The following LRMDA variants were observed in gnomAD, a reference collection of about 807,000 sequenced individuals.
The protein encoded by LRMDA is leucine rich melanocyte differentiation associated.
A neutral mutation model predicts 29.8 loss-of-function variants in LRMDA; 18 were observed. The ratio of observed to expected loss-of-function variants is 0.60; its 90% CI spans 0.42 to 0.90. The LOEUF (loss-of-function observed/expected upper bound fraction) is 0.90, where lower values mean the gene tolerates loss of function less well. LRMDA is among the 40% of genes least tolerant of loss of function. The pLI is 0.00. For synonymous variants in LRMDA, 125 were observed against 109.4 expected (o/e 1.14, Z -0.89); for missense variants, 273 against 273.9 (o/e 1.00, Z 0.02).
chr10:76,464,507 T>C (rs1842544924), intron 6 of LRMDA, among the ~76,000 whole-genome samples: 1 of 152,194 alleles, frequency 6.6e-6, no homozygotes, highest in Non-Finnish European at 1.5e-5. Flanking sequence ...AGTACAGATG[T>C]ACACACTGGA....
intron 5 of LRMDA, among the ~76,000 whole-genome samples, chr10:76,080,634 G>T (rs933874780): frequency 6.6e-6 from 1 of 152,218 alleles, no homozygotes; most frequent in Non-Finnish European, 1.5e-5. Flanking sequence ...TATCAGCTTT[G>T]TCTCAGGAGC....
chr10:75,709,769 A>G (rs562472430), intron 2 of LRMDA, among the ~76,000 whole-genome samples: 71 of 152,226 alleles, frequency 4.7e-4, no homozygotes, highest in African/African-American at 1.5e-3. Flanking sequence ...GGCTCAAGGT[A>G]AGAGATGCTC....
At chr10:76,370,782 A>G (rs1239789297) in intron 6 of LRMDA, among the ~76,000 whole-genome samples, 1 of 152,182 alleles carries the variant, frequency 6.6e-6, no homozygotes, top group Non-Finnish European at 1.5e-5. Flanking sequence ...AGTGGAGAGC[A>G]CACCAAATGT....
chr10:75,922,143 C>T (rs564189691), intron 2 of LRMDA, among the ~76,000 whole-genome samples: 10 of 152,340 alleles, frequency 6.6e-5, no homozygotes, highest in African/African-American at 1.4e-4. Flanking sequence ...AAAGTCATGG[C>T]GTCTGTTTCA....
intron 2 of LRMDA, among the ~76,000 whole-genome samples, chr10:75,905,023 T>C (rs1001382546): frequency 2.0e-5 from 3 of 152,202 alleles, no homozygotes; most frequent in Non-Finnish European, 4.4e-5. Flanking sequence ...GTGCACACTC[T>C]ATCTGCAGCG....
intron 6 of LRMDA, among the ~76,000 whole-genome samples, chr10:76,335,483 A>AAGTTTATTTTGC (rs1212045812): frequency 6.6e-6 from 1 of 152,170 alleles, no homozygotes; most frequent in East Asian, 1.9e-4. Flanking sequence ...TAAATTTAGA[A>AAGTTTATTTTGC]AGTTTATTTT....
rs60697116 is a variant in LRMDA at position 75,532,056 on chromosome 10, G to GAA, written c.131+93582_131+93583dup. 8.2e-3 allele frequency among the ~76,000 whole-genome samples: 784 copies of GAA among 95,322 alleles called. 10 individuals carry two copies. The highest frequency in any genetic ancestry group is 0.03 in the African/African-American group (744 of 25,130). 62.5% of individuals were successfully genotyped at this position (95,322 alleles called of 152,430 possible). ...AAGACTCTACCTCAAAAGAAAGAAA[G>GAA]AAAAAAAAAAAAAAAAAAAAAGGAA... On this transcript the variant is annotated intron_variant, in intron 2 of 6. Transcript: ENST00000611255.
intron 5 of LRMDA, among the ~76,000 whole-genome samples, chr10:76,248,951 T>C (rs1326996548): frequency 6.6e-6 from 1 of 152,234 alleles, no homozygotes; most frequent in Non-Finnish European, 1.5e-5. Flanking sequence ...AATGCTGTTC[T>C]GGCATCTTCC....
intron 2 of LRMDA, among the ~76,000 whole-genome samples, chr10:75,440,188 C>G (rs1444807646): frequency 6.8e-6 from 1 of 148,010 alleles, no homozygotes; most frequent in African/African-American, 2.5e-5. Flanking sequence ...CTCTGAGGGG[C>G]TGGATCTATA....
chr10:76,259,970 T>C (rs1839912419), intron 5 of LRMDA, among the ~76,000 whole-genome samples: 1 of 152,132 alleles, frequency 6.6e-6, no homozygotes, highest in Admixed American at 6.5e-5. Flanking sequence ...CATATGTCTT[T>C]ACATGTGAGG....
intron 2 of LRMDA, among the ~76,000 whole-genome samples, chr10:75,720,929 G>C (rs2132187418): frequency 6.6e-6 from 1 of 152,318 alleles, no homozygotes; most frequent in African/African-American, 2.4e-5. Context: ...AGTCATTCCT[G>C]GGTAGGGGTT....
At chr10:75,755,940 G>A (rs1843026633) in intron 2 of LRMDA, among the ~76,000 whole-genome samples, 2 of 152,216 alleles carry the variant, frequency 1.3e-5, no homozygotes, top group African/African-American at 2.4e-5. Context: ...CATTCTAAAT[G>A]TACTGGTCTG....
chr10:75,949,602 CCT>C (rs1253153654), intron 2 of LRMDA, among the ~76,000 whole-genome samples: 1 of 152,066 alleles, frequency 6.6e-6, no homozygotes, highest in Non-Finnish European at 1.5e-5. Context: ...TCTAGCCCTT[CCT>C]CTCTCATCCT....
intron 2 of LRMDA, among the ~76,000 whole-genome samples, chr10:76,004,260 T>C (rs976734834): frequency 6.6e-6 from 1 of 152,212 alleles, no homozygotes; most frequent in Non-Finnish European, 1.5e-5. Context: ...TTTAAATATG[T>C]TTAGGTATTA....
At chr10:75,669,002 TGAG>T (rs1446152662) in intron 2 of LRMDA, among the ~76,000 whole-genome samples, 1 of 152,198 alleles carries the variant, frequency 6.6e-6, no homozygotes, top group Non-Finnish European at 1.5e-5. Context: ...TCAAGGCAAA[TGAG>T]CACTTAAGCA....
intron 2 of LRMDA, chr10:75,782,920 A>T (rs1232783761): frequency 3.1e-6 from 5 of 1,611,572 alleles, no homozygotes; most frequent in Non-Finnish European, 4.2e-6. Flanking sequence ...CAACAGTGGC[A>T]TCTGCTCAGT....
intron 2 of LRMDA, among the ~76,000 whole-genome samples, chr10:75,935,242 T>C (rs1846269276): frequency 6.6e-6 from 1 of 152,196 alleles, no homozygotes; most frequent in African/African-American, 2.4e-5. Flanking sequence ...CTGCCCAAGA[T>C]GGATAGTGAA....
At position 76,320,751 on chromosome 10, in the gene LRMDA, A is replaced by G. The variant is rs192010017; in HGVS notation, c.517-3650A>G. ...TTTGTTTTAAGTCTTCTTTAAATGA[A>G]AGAAAGAACATCATATATACAGCTG... On this transcript the variant is annotated intron_variant, in intron 5 of 6. Transcript: ENST00000611255. Among the ~76,000 whole-genome samples, 40 of 152,356 alleles carry G rather than the reference A, an allele frequency of 2.6e-4. No individual in the cohort carries two copies. In the East Asian group the frequency reaches 6.8e-3, roughly 26 times the overall value.
chr10:76,220,747 G>A (rs1349666989), intron 5 of LRMDA, among the ~76,000 whole-genome samples: 1 of 152,120 alleles, frequency 6.6e-6, no homozygotes, highest in Non-Finnish European at 1.5e-5. Context: ...TAGAAAAAGA[G>A]GGAATCCTCC....
Sources: allele counts gnomAD v4.1 joint callset (sites outside exome capture counted in the v4.1 genomes callset), GRCh38; gene constraint gnomAD v4.1.1; transcripts MANE v1.5; gene names NCBI Gene and HGNC (gene_info 2026-07-23, HGNC 2026-07-21).